The following CARMIL1 variants were observed in gnomAD, a reference collection of about 807,000 sequenced individuals.
CARMIL1 encodes capping protein regulator and myosin 1 linker 1.
In CARMIL1, 90 loss-of-function variants were observed where a neutral mutation model predicts 177.1. The observed-to-expected ratio is 0.51, with a 90% CI of 0.43 to 0.61. The LOEUF is 0.61. Among genes scored for constraint, CARMIL1 ranks in the 20% least tolerant of loss-of-function variants. The probability of loss-of-function intolerance (pLI) is 0.00; values close to 1 mark genes in which losing one functional copy is unlikely to be tolerated. For missense variants in CARMIL1, 1,380 were observed against 1,667.0 expected (o/e 0.83, Z 3.00); for synonymous variants, 577 against 606.2 (o/e 0.95, Z 0.71).
At chr6:25,616,590 C>G (rs2151352867) in intron 36 of CARMIL1, among the ~76,000 whole-genome samples, 1 of 152,248 alleles carries the variant, frequency 6.6e-6, no homozygotes, top group African/African-American at 2.4e-5. Context: ...TGAATAAATG[C>G]TTGCATGCAT....
chr6:25,579,243 T>TATA (rs1812896739), intron 29 of CARMIL1, among the ~76,000 whole-genome samples: 1 of 126,938 alleles, frequency 7.9e-6, no homozygotes, highest in African/African-American at 3.1e-5. Flanking sequence ...TCCTGTAAAA[T>TATA]ATAATCAAGA....
intron 5 of CARMIL1, among the ~76,000 whole-genome samples, chr6:25,443,803 A>C (rs1354454734): frequency 6.6e-6 from 1 of 151,012 alleles, no homozygotes; most frequent in Admixed American, 6.6e-5. Context: ...TGGCTATGGC[A>C]ATTTCTTTTT....
intron 23 of CARMIL1, among the ~76,000 whole-genome samples, chr6:25,524,627 GAA>G (rs1806910813): frequency 6.6e-6 from 1 of 152,132 alleles, no homozygotes; most frequent in Non-Finnish European, 1.5e-5. Context: ...GTGAAAGAGA[GAA>G]AACAAGCATC....
chr6:25,562,432 A>G (rs1473312547), intron 29 of CARMIL1, among the ~76,000 whole-genome samples: 3 of 151,986 alleles, frequency 2.0e-5, no homozygotes, highest in Non-Finnish European at 4.4e-5. Context: ...ATTTTTTAGT[A>G]GAGATGGGGT....
chr6:25,394,560 G>T (rs182789274), intron 2 of CARMIL1, among the ~76,000 whole-genome samples: 68 of 152,318 alleles, frequency 4.5e-4, no homozygotes, highest in Admixed American at 2.7e-3. Context: ...TTGTGATTCA[G>T]GTTGGTTTAA....
In CARMIL1 at chr6:25,556,843, C is replaced by T. The variant is rs2151181335; in HGVS notation, c.2735C>T (p.Thr912Ile). The change falls in exon 29 of 37, where the codon ACC becomes ATC. Residue 912 changes from threonine to isoleucine, a missense_variant. Transcript: ENST00000329474. ...TEIERLEDLD[T>I]CMMTPKSKRK... Reference sequence around the variant, plus strand: ...ATAGAGCGTTTGGAAGATCTGGATACCTGTATGGTAAGACACATCCTCTGG... The same window carrying T: ...ATAGAGCGTTTGGAAGATCTGGATATCTGTATGGTAAGACACATCCTCTGG... The T allele has an allele frequency of 2.5e-6, 4 of 1,612,908 alleles. No homozygotes were observed. Among genetic ancestry groups the T allele is most frequent in the South Asian group, 2.2e-5 (2 of 91,026 alleles).
intron 26 of CARMIL1, among the ~76,000 whole-genome samples, chr6:25,540,380 T>A (rs1284063050): frequency 6.6e-6 from 1 of 152,206 alleles, no homozygotes; most frequent in African/African-American, 2.4e-5. Flanking sequence ...AAAAATACCT[T>A]CTGTTATTAA....
intron 29 of CARMIL1, among the ~76,000 whole-genome samples, chr6:25,559,206 A>G (rs1308842914): frequency 6.6e-6 from 1 of 152,184 alleles, no homozygotes; most frequent in African/African-American, 2.4e-5. Context: ...ATTTGGAAGG[A>G]GTAGAGCAAT....
At chr6:25,413,266 A>G (rs1795079397) in intron 2 of CARMIL1, among the ~76,000 whole-genome samples, 2 of 152,202 alleles carry the variant, frequency 1.3e-5, no homozygotes, top group Admixed American at 1.3e-4. Flanking sequence ...TTTGCTTGCA[A>G]ATTAGAGAGT....
chr6:25,351,777 G>C (rs2150360785), intron 2 of CARMIL1, among the ~76,000 whole-genome samples: 1 of 152,198 alleles, frequency 6.6e-6, no homozygotes, highest in East Asian at 1.9e-4. Context: ...AATGGACGAT[G>C]ATGATGCACC....
At chr6:25,401,939 T>A (rs1485677095) in intron 2 of CARMIL1, among the ~76,000 whole-genome samples, 1 of 151,566 alleles carries the variant, frequency 6.6e-6, no homozygotes, top group African/African-American at 2.4e-5. Flanking sequence ...TCCGCATTTC[T>A]CAGACCTGGC....
At chr6:25,368,254 C>G (rs1368578710) in intron 2 of CARMIL1, among the ~76,000 whole-genome samples, 1 of 152,206 alleles carries the variant, frequency 6.6e-6, no homozygotes, top group Non-Finnish European at 1.5e-5. Context: ...TCAGACACGA[C>G]TTACTTAGTT....
chr6:25,471,586 T>C (rs533276645), intron 10 of CARMIL1, among the ~76,000 whole-genome samples: 1 of 152,328 alleles, frequency 6.6e-6, no homozygotes, highest in South Asian at 2.1e-4. Context: ...AAAATGGGGA[T>C]AATAATAATG....
At chr6:25,409,528 AT>A (rs200951050) in intron 2 of CARMIL1, among the ~76,000 whole-genome samples, 4,400 of 152,222 alleles carry the variant, frequency 0.029, 206 homozygotes, top group African/African-American at 0.097. Context: ...CAAAGCTGAG[AT>A]TTCGCCTGAA....
intron 9 of CARMIL1, among the ~76,000 whole-genome samples, chr6:25,469,581 G>A (rs893374802): frequency 2.0e-5 from 3 of 151,888 alleles, no homozygotes; most frequent in Non-Finnish European, 4.4e-5. Context: ...TGTGTGAAAC[G>A]GGGTCTCACT....
chr6:25,310,871 A>G (rs999697178), intron 2 of CARMIL1, among the ~76,000 whole-genome samples: 3 of 152,066 alleles, frequency 2.0e-5, no homozygotes, highest in Non-Finnish European at 4.4e-5. Context: ...TTTTTTTGTG[A>G]TCTGGCAGAG....
chr6:25,615,909 A>C (rs1253719645), intron 36 of CARMIL1, among the ~76,000 whole-genome samples: 1 of 152,226 alleles, frequency 6.6e-6, no homozygotes, highest in Non-Finnish European at 1.5e-5. Context: ...GAAGCTTTAA[A>C]ATTATCACAT....
At chr6:25,439,787 T>C (rs922796031) in intron 5 of CARMIL1, among the ~76,000 whole-genome samples, 7 of 152,160 alleles carry the variant, frequency 4.6e-5, no homozygotes, top group African/African-American at 1.4e-4. Context: ...ACTGACAAAT[T>C]GGATGTAGCT....
chr6:25,451,199 T>C (rs972622458), intron 8 of CARMIL1, among the ~76,000 whole-genome samples: 2 of 151,892 alleles, frequency 1.3e-5, no homozygotes, highest in African/African-American at 4.8e-5. Context: ...CATGTGTGTA[T>C]CCAAAATCCA....
Sources: allele counts gnomAD v4.1 joint callset (sites outside exome capture counted in the v4.1 genomes callset), GRCh38; gene constraint gnomAD v4.1.1; transcripts MANE v1.5; gene names NCBI Gene and HGNC (gene_info 2026-07-23, HGNC 2026-07-21).